DLC1: variants seen among roughly 807,000 people sequenced by gnomAD.
DLC1 encodes the protein DLC1 Rho GTPase activating protein, also known as rho GTPase-activating protein 7.
Under a neutral mutation model 140.3 loss-of-function variants are expected in DLC1, and 54 were observed. That is an observed-to-expected ratio of 0.38 (90% CI 0.31 to 0.48). DLC1 has a LOEUF of 0.48. Ranked by LOEUF, DLC1 falls within the 20% of genes least tolerant of loss-of-function variation. The probability of loss-of-function intolerance (pLI) is 0.96; values close to 1 mark genes in which losing one functional copy is unlikely to be tolerated. For synonymous variants in DLC1, 986 were observed against 728.1 expected, an observed-to-expected ratio of 1.35 and a Z score of -5.70; for missense variants, 2,536 against 1,907.0, an observed-to-expected ratio of 1.33 and a Z score of -6.14.
intron 7 of DLC1, among the ~76,000 whole-genome samples, chr8:13,104,528 A>G (rs1819391219): frequency 6.6e-6 from 1 of 152,136 alleles, no homozygotes; most frequent in Non-Finnish European, 1.5e-5. Flanking sequence ...TGAACCTGTA[A>G]TGTGTCTGTT....
chr8:13,371,572 G>C (rs1835731192), intron 4 of DLC1, among the ~76,000 whole-genome samples: 1 of 140,510 alleles, frequency 7.1e-6, no homozygotes, highest in Non-Finnish European at 1.5e-5. Flanking sequence ...TCACGCCTTG[G>C]CTCACAATGA....
intron 5 of DLC1, among the ~76,000 whole-genome samples, chr8:13,132,015 G>C (rs536679705): frequency 6.6e-6 from 1 of 152,304 alleles, no homozygotes; most frequent in East Asian, 1.9e-4. Flanking sequence ...GCGACATGGA[G>C]TGGGGGCAGG....
chr8:13,280,287 C>CAAAAAAAAAA (rs55791933), intron 5 of DLC1, among the ~76,000 whole-genome samples: 10 of 65,332 alleles, frequency 1.5e-4, no homozygotes, highest in South Asian at 7.0e-4. Context: ...GACTCCATCT[C>CAAAAAAAAAA]AAAAAAAAAA....
chr8:13,316,703 C>A (rs191789588), intron 4 of DLC1, among the ~76,000 whole-genome samples: 2 of 152,162 alleles, frequency 1.3e-5, no homozygotes, highest in East Asian at 1.9e-4. Flanking sequence ...TTTCTTAGGG[C>A]AGCTGAGTTT....
chr8:13,216,721 T>A (rs1828216657), intron 5 of DLC1, among the ~76,000 whole-genome samples: 1 of 152,158 alleles, frequency 6.6e-6, no homozygotes, highest in African/African-American at 2.4e-5. Flanking sequence ...TGATTCTTTG[T>A]TGTGGGGGTC....
At chr8:13,220,796 G>A (rs1375022704) in intron 5 of DLC1, among the ~76,000 whole-genome samples, 1 of 152,142 alleles carries the variant, frequency 6.6e-6, no homozygotes, top group African/African-American at 2.4e-5. Flanking sequence ...CAGCATCAAA[G>A]TGCAACTGGA....
intron 2 of DLC1, among the ~76,000 whole-genome samples, chr8:13,451,037 C>CAAACAAAAAAAAAA (rs1799018344): frequency 5.4e-5 from 1 of 18,380 alleles, no homozygotes; most frequent in East Asian, 2.7e-3. Flanking sequence ...GACTCCGTCT[C>CAAACAAAAAAAAAA]AAAAAAAAAA....
At position 13,537,685 on chromosome 8, in the gene DLC1, T is replaced by A. The variant is rs530806336; in HGVS notation, c.-125-37489A>T. 3.0e-5 allele frequency among the ~76,000 whole-genome samples: 4 copies of A among 134,388 alleles called. No individual in the cohort carries two copies. In the South Asian group the frequency reaches 7.5e-4, roughly 25 times the overall value. The allele number at this position is 134,388 out of a possible 152,430, so 88.2% of individuals were successfully genotyped here. Reference sequence around the variant, plus strand: ...TTTTTTTTTTTTGAGACGGAGTCTCTCTCTGTCACCCAGGCTAGAATGCAG... The same window carrying A: ...TTTTTTTTTTTTGAGACGGAGTCTCACTCTGTCACCCAGGCTAGAATGCAG... On this transcript the variant is annotated intron_variant, in intron 1 of 1. Coordinates refer to the DLC1 transcript ENST00000631382.
rs931437251 is a variant in DLC1 at position 13,152,844 on chromosome 8, C to T, written c.1349-37187G>A. Among the ~76,000 whole-genome samples, 9 of 48,486 alleles carry T rather than the reference C, an allele frequency of 1.9e-4. No homozygotes were observed. The South Asian group carries it at 5.5e-3, about 30-fold the overall frequency. 31.8% of individuals were successfully genotyped at this position (48,486 alleles called of 152,430 possible). A position where few individuals can be genotyped will look rare whatever the true frequency, so the allele number is the denominator to read the frequency against. Reference sequence around the variant, plus strand: ...GGGAAGAAAAAAAAAAAAAAAGCAACCAACCATAACTTGGTCAATTATCTG... The same window carrying T: ...GGGAAGAAAAAAAAAAAAAAAGCAATCAACCATAACTTGGTCAATTATCTG... On this transcript the variant is annotated intron_variant, in intron 5 of 17. Coordinates refer to ENST00000276297, the MANE Select transcript of DLC1 (RefSeq NM_182643.3).
chr8:13,155,019 T>C (rs532876634), intron 5 of DLC1, among the ~76,000 whole-genome samples: 5 of 152,178 alleles, frequency 3.3e-5, no homozygotes, highest in African/African-American at 1.2e-4. Flanking sequence ...AATCATTTTC[T>C]ATGCAATTAC....
intron 2 of DLC1, among the ~76,000 whole-genome samples, chr8:13,443,363 A>G (rs1385894172): frequency 6.7e-6 from 1 of 149,650 alleles, no homozygotes; most frequent in African/African-American, 2.5e-5. Flanking sequence ...AAAAAAAAAA[A>G]AACTGCCCAA....
intron 4 of DLC1, chr8:13,340,510 A>AT (rs1470620255): frequency 6.6e-6 from 1 of 152,112 alleles, no homozygotes; most frequent in South Asian, 2.1e-4. Flanking sequence ...CTCATCTTTA[A>AT]TTTTTTAATG....
intron 2 of DLC1, among the ~76,000 whole-genome samples, chr8:13,408,810 C>G (rs1433520256): frequency 1.3e-5 from 2 of 152,080 alleles, no homozygotes; most frequent in East Asian, 1.9e-4. Context: ...TTATTTTTTA[C>G]AATACTTAGT....
intron 5 of DLC1, among the ~76,000 whole-genome samples, chr8:13,123,309 C>T (rs1821262349): frequency 6.6e-6 from 1 of 151,964 alleles, no homozygotes; most frequent in South Asian, 2.1e-4. Context: ...CTCTCATGCC[C>T]TGTCCCCCTG....
chr8:13,558,549 T>G (rs956761294), intron 1 of DLC1: 3 of 152,222 alleles, frequency 2.0e-5, no homozygotes, highest in African/African-American at 7.2e-5. Context: ...TTTCATAGAT[T>G]GTTATGACAA....
At chr8:13,294,044 T>C (rs1297002298) in intron 5 of DLC1, among the ~76,000 whole-genome samples, 1 of 152,170 alleles carries the variant, frequency 6.6e-6, no homozygotes, top group Non-Finnish European at 1.5e-5. Flanking sequence ...TACTGTACTA[T>C]TAATATTATA....
At chr8:13,200,409 T>G (rs1323976973) in intron 5 of DLC1, among the ~76,000 whole-genome samples, 2 of 152,016 alleles carry the variant, frequency 1.3e-5, no homozygotes, top group African/African-American at 2.4e-5. Flanking sequence ...GAAATTGAGG[T>G]GTCGAATGAT....
At chr8:13,568,071 C>G (rs981845779) in intron 1 of DLC1, 2 of 1,127,512 alleles carry the variant, frequency 1.8e-6, no homozygotes, top group South Asian at 1.8e-5. Context: ...AGAACTTTCA[C>G]TTTTTTTTTC....
rs114660998 is a variant in DLC1, at chr8:13,172,620, G to A, written c.1349-56963C>T. 2.7e-3 allele frequency among the ~76,000 whole-genome samples: 413 copies of A among 152,350 alleles called. 1 individual carries two copies. Among genetic ancestry groups the A allele is most frequent in the African/African-American group, 9.3e-3 (385 of 41,584 alleles). ...CGTCAACTCACACAGTAAGTGGCAG[G>A]ATGGGGATTTGAACTTGCCAGATTT... On this transcript the variant is annotated intron_variant, in intron 5 of 17. Transcript: ENST00000276297.
Sources: gnomAD v4.1 joint callset for allele counts (sites outside exome capture counted in the v4.1 genomes callset) on GRCh38, gnomAD v4.1.1 for gene constraint, MANE v1.5 for transcripts, NCBI Gene and HGNC (gene_info 2026-07-23, HGNC 2026-07-21) for gene names.